The following NSD2 variants were observed in gnomAD, a reference collection of about 807,000 sequenced individuals.
NSD2 encodes nuclear receptor binding SET domain protein 2.
In NSD2, 12 loss-of-function variants were observed where a neutral mutation model predicts 139.0. The ratio of observed to expected loss-of-function variants is 0.09; its 90% CI spans 0.06 to 0.14. NSD2 has a LOEUF of 0.14. Ranked by LOEUF, NSD2 falls within the 10% of genes least tolerant of loss-of-function variation. The pLI is 1.00. For missense variants in NSD2, 1,155 were observed against 1,745.0 expected (o/e 0.66, Z 6.02); for synonymous variants, 669 against 648.7 (o/e 1.03, Z -0.48).
chr4:1,929,467 AGAG>A (rs1341253721), intron 5 of NSD2, among the ~76,000 whole-genome samples: 1 of 152,142 alleles, frequency 6.6e-6, no homozygotes, highest in African/African-American at 2.4e-5. Context: ...ACTACCCAGT[AGAG>A]GAGCCAGCAT....
chr4:1,933,933 A>G (rs1357355832), intron 6 of NSD2, among the ~76,000 whole-genome samples: 4 of 152,188 alleles, frequency 2.6e-5, no homozygotes, highest in Non-Finnish European at 5.9e-5. Flanking sequence ...CTGAGCAAAC[A>G]TGGAGGAAGC....
At chr4:1,977,584 T>C (rs112996333) in intron 21 of NSD2, among the ~76,000 whole-genome samples, 5,946 of 152,108 alleles carry the variant, frequency 0.039, 379 homozygotes, top group African/African-American at 0.14. Flanking sequence ...GAGACCAGTC[T>C]GACCAACATG....
Position 1,974,649 on chromosome 4 carries a change from C to T in NSD2, c.3373-214C>T. 4.0e-6 allele frequency: 3 copies of T among 754,988 alleles called. No homozygotes were observed. Among genetic ancestry groups the T allele is most frequent in the Non-Finnish European group, 7.1e-6 (3 of 419,722 alleles). The allele number at this position is 754,988 out of a possible 1,614,324, so 46.8% of individuals were successfully genotyped here. ...CTGTCCTCCCCGGCGCTCACTAAGG[C>T]TCGGTCCTCTCCACGTGGTCCTGAC... is the stretch of plus-strand genomic sequence containing the variant. On this transcript the variant is annotated intron_variant, in intron 18 of 21. Transcript: ENST00000508803. This position sits in a 1 kb window ranked among gnomAD's most constrained non-coding sequence, Gnocchi z 4.0.
intron 9 of NSD2, chr4:1,944,576 G>C: frequency 1.9e-6 from 2 of 1,064,316 alleles, no homozygotes; most frequent in Non-Finnish European, 2.3e-6. Flanking sequence ...ATTCACTAGA[G>C]GTGAAAACTT....
At position 1,952,194 on chromosome 4, in the gene NSD2, G is replaced by A. The variant is rs1362274771; in HGVS notation, c.2100G>A (p.Arg700=). The A allele has an allele frequency of 4.3e-6, 7 of 1,613,884 alleles. No individual in the cohort carries two copies. Among genetic ancestry groups the A allele is most frequent in the Non-Finnish European group, 5.9e-6 (7 of 1,180,026 alleles). The part of the protein sequence containing the change: ...FHLACLGLSR[R]PEGRFTCSEC... ...TCGCCTGCCTTGGGCTTTCCCGGAG[G>A]CCAGAAGGGAGGTTCACCTGCAGCG... Residue 700 remains arginine (R), a synonymous_variant, in exon 11 of 22, where the codon AGG becomes AGA. Transcript: ENST00000508803.
chr4:1,876,120 A>G (rs1310593574), intron 1 of NSD2, among the ~76,000 whole-genome samples: 3 of 151,686 alleles, frequency 2.0e-5, no homozygotes, highest in East Asian at 1.9e-4. Flanking sequence ...AGGCTGAGGC[A>G]GGAGAATGGT....
intron 3 of NSD2, among the ~76,000 whole-genome samples, chr4:1,915,224 T>C (rs889012231): frequency 1.3e-5 from 2 of 148,364 alleles, no homozygotes; most frequent in Admixed American, 1.4e-4. Flanking sequence ...CACACCATTC[T>C]CCTGCCTCAG....
chr4:1,975,539 G>T, intron 20 of NSD2, 139 bp downstream of exon 20: 1 of 691,086 alleles, frequency 1.4e-6, no homozygotes. Flanking sequence ...CCCTGCTGTG[G>T]GCTGGGGAGG....
Position 1,955,015 on chromosome 4 carries a change from T to C in NSD2, c.2339-146T>C, listed in dbSNP as rs1724656907. On this transcript the variant is annotated intron_variant, in intron 12 of 21. Coordinates refer to ENST00000508803, the MANE Select transcript of NSD2 (RefSeq NM_001042424.3). The surrounding 1 kb of genome is among the most constrained non-coding windows in gnomAD (Gnocchi z 4.7). ...ACATGGTTTTGAAGCACCTTTGCTC[T>C]GAAAGCTTTTTTTAAATCAAATACC... is the stretch of plus-strand genomic sequence containing the variant. 1.0e-6 allele frequency: 1 copy of C among 959,294 alleles called. No homozygotes were observed. The highest frequency in any genetic ancestry group is 1.7e-5 in the African/African-American group (1 of 60,480). The allele number at this position is 959,294 out of a possible 1,614,324, so 59.4% of individuals were successfully genotyped here. A position where few individuals can be genotyped will look rare whatever the true frequency, so the allele number is the denominator to read the frequency against.
At chr4:1,936,582 CA>C in intron 7 of NSD2, among the ~76,000 whole-genome samples, 1 of 149,862 alleles carries the variant, frequency 6.7e-6, no homozygotes, top group East Asian at 2.0e-4. Context: ...GCAGGAGAAT[CA>C]CTTGAACCTG....
chr4:1,927,717 CAGAAAAAA>C (rs1429045127), intron 5 of NSD2, among the ~76,000 whole-genome samples: 1 of 44,358 alleles, frequency 2.3e-5, no homozygotes, highest in African/African-American at 8.8e-5. Flanking sequence ...ACTCTTATCT[CAGAAAAAA>C]AAAAAAAAAA....
Position 1,956,231 on chromosome 4 carries a change from C to A in NSD2, c.2881+43C>A. The A allele has an allele frequency of 6.7e-7, 1 of 1,487,408 alleles. No individual in the cohort carries two copies. Among genetic ancestry groups the A allele is most frequent in the Non-Finnish European group, 9.1e-7 (1 of 1,104,674 alleles). The allele number at this position is 1,487,408 out of a possible 1,614,324, so 92.1% of individuals were successfully genotyped here. Reference sequence around the variant, plus strand: ...TAGAGAGTGAGACAGCACTCTCGTGCATTTTCTTACCCCTAATTTCTATTT... The same window carrying A: ...TAGAGAGTGAGACAGCACTCTCGTGAATTTTCTTACCCCTAATTTCTATTT... On this transcript the variant is annotated intron_variant, in intron 15 of 21. Transcript: ENST00000508803. This position sits in a 1 kb window ranked among gnomAD's most constrained non-coding sequence, Gnocchi z 5.3.
At chr4:1,921,116 T>C (rs1720059358) in intron 5 of NSD2, among the ~76,000 whole-genome samples, 1 of 152,212 alleles carries the variant, frequency 6.6e-6, no homozygotes, top group African/African-American at 2.4e-5. Context: ...TGTTTAAGGA[T>C]ATGTATCAGA....
intron 9 of NSD2, chr4:1,944,628 C>T: frequency 5.6e-6 from 6 of 1,062,812 alleles, no homozygotes; most frequent in Middle Eastern, 4.2e-4. Flanking sequence ...GTTCTAAAAA[C>T]GTAAGTACTC....
In NSD2 at chr4:1,916,871, G is replaced by A; in HGVS notation, c.761G>A (p.Gly254Asp). The A allele has an allele frequency of 6.3e-7, 1 of 1,588,456 alleles. No individual in the cohort carries two copies. Among genetic ancestry groups the A allele is most frequent in the Non-Finnish European group, 8.5e-7 (1 of 1,170,048 alleles). Residue 254 changes from glycine to aspartate, a missense_variant and splice_region_variant, in exon 4 of 22, where the codon GGT becomes GAT. Physicochemically the swap from Gly to Asp is moderately conservative, Grantham distance 94. This residue lies in a region of NSD2 where 34 missense variants were observed against 75.2 expected (regional missense o/e 0.45). Coordinates refer to ENST00000508803, the MANE Select transcript of NSD2 (RefSeq NM_001042424.3). ...PLLHSYTKLK[G>D]QKKSARQYHV... ...TCTAACATTTTATTTTAAAAACTAG[G>A]TCAGAAAAAGAGTGCACGCCAGTAT...
rs955473758 is a variant in NSD2, at chr4:1,948,894, T to C, written c.1882-2178T>C. 6.1e-6 allele frequency: 5 copies of C among 823,474 alleles called. No individual in the cohort carries two copies. The highest frequency in any genetic ancestry group is 7.4e-6 in the Non-Finnish European group (5 of 673,758). The allele number at this position is 823,474 out of a possible 1,614,324, so 51.0% of individuals were successfully genotyped here. The stretch of plus-strand genomic sequence containing the variant: ...TCATTTTTAAAGCTTTTTAAGTTTG[T>C]TCCACCACGTTAAGGGAAGAGCATG... On this transcript the variant is annotated intron_variant, in intron 9 of 21. Transcript: ENST00000508803. The surrounding 1 kb of genome is among the most constrained non-coding windows in gnomAD (Gnocchi z 4.5).
At chr4:1,918,104 G>A in intron 4 of NSD2, 37 bp from the exon 5 acceptor site, 1 of 1,587,622 alleles carries the variant, frequency 6.3e-7, no homozygotes, top group Non-Finnish European at 8.5e-7. Flanking sequence ...TTATGTTTGT[G>A]TAGTGAAACT....
intron 1 of NSD2, among the ~76,000 whole-genome samples, chr4:1,879,203 A>G (rs548814559): frequency 1.3e-5 from 2 of 152,082 alleles, no homozygotes; most frequent in South Asian, 4.1e-4. Context: ...AACACTTTTT[A>G]AAATTATTTT....
At chr4:1,889,462 T>C (rs1715365671) in intron 1 of NSD2, among the ~76,000 whole-genome samples, 1 of 151,972 alleles carries the variant, frequency 6.6e-6, no homozygotes, top group Non-Finnish European at 1.5e-5. Context: ...ACCAGAGTGC[T>C]GGGATTATGG....
Sources: gnomAD v4.1 joint callset for allele counts (sites outside exome capture counted in the v4.1 genomes callset) on GRCh38, gnomAD v4.1.1 for gene constraint, gnomAD v4.1.1 regional missense constraint, Gnocchi (gnomAD v3.1) non-coding constraint, MANE v1.5 for transcripts, NCBI Gene and HGNC (gene_info 2026-07-23, HGNC 2026-07-21) for gene names.